FAM171A1: variants seen among roughly 807,000 people sequenced by gnomAD.
FAM171A1 encodes family with sequence similarity 171 member A1, also known as protein FAM171A1.
FAM171A1 carries 23 observed loss-of-function variants against 74.9 expected under a neutral mutation model. The ratio of observed to expected loss-of-function variants is 0.31; its 90% CI spans 0.22 to 0.44. FAM171A1 has a LOEUF of 0.44. Ranked by LOEUF, FAM171A1 falls within the 20% of genes least tolerant of loss-of-function variation. FAM171A1 has a pLI of 1.00. For missense variants in FAM171A1, 1,162 were observed against 1,159.2 expected, an observed-to-expected ratio of 1.00 and a Z score of -0.03; for synonymous variants, 527 against 505.7, an observed-to-expected ratio of 1.04 and a Z score of -0.57.
intron 1 of FAM171A1, among the ~76,000 whole-genome samples, chr10:15,342,158 G>A (rs1423344988): frequency 6.6e-6 from 1 of 152,224 alleles, no homozygotes; most frequent in Admixed American, 6.5e-5. Context: ...GCCATCCTGA[G>A]AGTCGTTTCT....
At chr10:15,350,900 C>T (rs190285973) in intron 1 of FAM171A1, among the ~76,000 whole-genome samples, 3 of 152,226 alleles carry the variant, frequency 2.0e-5, no homozygotes, top group Non-Finnish European at 4.4e-5. Flanking sequence ...GCTTCAGCCT[C>T]CTAAAGTGCT....
intron 1 of FAM171A1, among the ~76,000 whole-genome samples, chr10:15,309,423 G>A (rs1588546322): frequency 6.6e-6 from 1 of 152,252 alleles, no homozygotes; most frequent in African/African-American, 2.4e-5. Flanking sequence ...GCCCAGGCTG[G>A]TCTTGAACTC....
intron 1 of FAM171A1, among the ~76,000 whole-genome samples, chr10:15,349,095 CAGTTGTTA>C (rs1161253775): frequency 6.6e-6 from 1 of 152,124 alleles, no homozygotes; most frequent in Admixed American, 6.5e-5. Context: ...TTTTTCACAA[CAGTTGTTA>C]AGTTGTTAGC....
intron 3 of FAM171A1, among the ~76,000 whole-genome samples, chr10:15,266,507 G>A (rs904778652): frequency 1.3e-5 from 2 of 152,038 alleles, no homozygotes; most frequent in African/African-American, 4.8e-5. Context: ...CAGAGGAGGT[G>A]GAAAGCCCCA....
At chr10:15,362,789 G>A (rs901901972) in intron 1 of FAM171A1, among the ~76,000 whole-genome samples, 196 of 152,278 alleles carry the variant, frequency 1.3e-3, no homozygotes, top group African/African-American at 4.4e-3. Context: ...AGTCATACGA[G>A]AGTTAGTGGG....
At chr10:15,243,940 C>T (rs1013593709) in intron 5 of FAM171A1, among the ~76,000 whole-genome samples, 39 of 152,246 alleles carry the variant, frequency 2.6e-4, no homozygotes, top group African/African-American at 8.2e-4. Context: ...TTAGTAGAGA[C>T]GAGGTTTCAC....
chr10:15,333,523 A>T (rs146540776), intron 1 of FAM171A1, among the ~76,000 whole-genome samples: 519 of 150,284 alleles, frequency 3.5e-3, no homozygotes, highest in African/African-American at 0.012. Context: ...ATAGACAACC[A>T]ATCAACCAAA....
intron 5 of FAM171A1, among the ~76,000 whole-genome samples, chr10:15,234,545 G>A (rs751739531): frequency 2.6e-5 from 4 of 152,124 alleles, no homozygotes; most frequent in Non-Finnish European, 5.9e-5. Flanking sequence ...TAGCAGTTTC[G>A]TATTGGCTCA....
chr10:15,332,351 C>T (rs534160625), intron 1 of FAM171A1, among the ~76,000 whole-genome samples: 32 of 152,226 alleles, frequency 2.1e-4, no homozygotes, highest in Admixed American at 9.2e-4. Flanking sequence ...GAACATGAGA[C>T]GGAACATTTG....
chr10:15,236,691 C>G (rs1834295409), intron 5 of FAM171A1, among the ~76,000 whole-genome samples: 1 of 152,168 alleles, frequency 6.6e-6, no homozygotes, highest in African/African-American at 2.4e-5. Flanking sequence ...CAACTGAAAC[C>G]AGGTGATACT....
intron 5 of FAM171A1, among the ~76,000 whole-genome samples, chr10:15,247,769 A>G (rs4325219): frequency 0.97 from 147,384 of 152,224 alleles, 71,472 homozygotes; most frequent in Non-Finnish European, 1. Flanking sequence ...CACCACACCC[A>G]GCCTACTATA....
intron 1 of FAM171A1, among the ~76,000 whole-genome samples, chr10:15,290,622 G>T (rs191959736): frequency 6.2e-4 from 94 of 152,298 alleles, no homozygotes; most frequent in African/African-American, 2.2e-3. Context: ...ATACTGAAGT[G>T]TCATTCTGAA....
At chr10:15,346,425 G>A (rs554332623) in intron 1 of FAM171A1, among the ~76,000 whole-genome samples, 2 of 152,244 alleles carry the variant, frequency 1.3e-5, no homozygotes, top group South Asian at 4.2e-4. Flanking sequence ...GTGGGAAGAG[G>A]CCTCAAGATC....
chr10:15,315,430 C>T lies in FAM171A1; in HGVS notation c.98-31325G>A, dbSNP rs563596333. 3.5e-4 allele frequency among the ~76,000 whole-genome samples: 54 copies of T among 152,342 alleles called. 1 individual carries two copies. Among genetic ancestry groups the T allele is most frequent in the African/African-American group, 1.0e-3 (42 of 41,578 alleles). ...GTGCAGGCCCGTGGCTAGCCTTTCACGGTGTGGGCTTTGTTATCATCACTA... is the reference window on the plus strand; with the variant it reads ...GTGCAGGCCCGTGGCTAGCCTTTCATGGTGTGGGCTTTGTTATCATCACTA... On this transcript the variant is annotated intron_variant, in intron 1 of 7. Coordinates refer to ENST00000378116, the MANE Select transcript of FAM171A1 (RefSeq NM_001010924.2).
At chr10:15,256,619 A>G (rs932574441) in intron 3 of FAM171A1, among the ~76,000 whole-genome samples, 4 of 152,148 alleles carry the variant, frequency 2.6e-5, no homozygotes, top group Admixed American at 2.6e-4. Flanking sequence ...CCCTAAAACA[A>G]ACCCACAGCG....
chr10:15,237,328 G>C (rs11259570), intron 5 of FAM171A1, among the ~76,000 whole-genome samples: 17,868 of 152,108 alleles, frequency 0.12, 1,100 homozygotes, highest in Middle Eastern at 0.17. Flanking sequence ...CCCTGAACCC[G>C]ATCATACTAG....
At chr10:15,278,672 T>C (rs950936219) in intron 2 of FAM171A1, among the ~76,000 whole-genome samples, 24 of 152,142 alleles carry the variant, frequency 1.6e-4, no homozygotes, top group African/African-American at 5.8e-4. Flanking sequence ...TATTCCAAGA[T>C]TCCAGTTCTA....
intron 3 of FAM171A1, among the ~76,000 whole-genome samples, chr10:15,261,871 G>A (rs1834661807): frequency 6.6e-6 from 1 of 152,088 alleles, no homozygotes; most frequent in Non-Finnish European, 1.5e-5. Context: ...TCATCCCAGT[G>A]CTTTAGGAGG....
At chr10:15,366,623 T>G (rs1008424931) in intron 1 of FAM171A1, among the ~76,000 whole-genome samples, 1 of 152,154 alleles carries the variant, frequency 6.6e-6, no homozygotes, top group African/African-American at 2.4e-5. Context: ...ACTAAACATG[T>G]TTCACAAAAA....
Sources: allele counts gnomAD v4.1 joint callset (sites outside exome capture counted in the v4.1 genomes callset), GRCh38; gene constraint gnomAD v4.1.1; transcripts MANE v1.5; gene names NCBI Gene and HGNC (gene_info 2026-07-23, HGNC 2026-07-21).